Variants in PRKDC observed in about 807,000 individuals in gnomAD.
The protein encoded by PRKDC is protein kinase, DNA-activated, catalytic subunit.
A neutral mutation model predicts 486.9 loss-of-function variants in PRKDC; 82 were observed. That is an observed-to-expected ratio of 0.17 (90% CI 0.14 to 0.20). PRKDC has a LOEUF of 0.20. Ranked by LOEUF, PRKDC falls within the 10% of genes least tolerant of loss-of-function variation. The probability of loss-of-function intolerance (pLI) is 1.00; values close to 1 mark genes in which losing one functional copy is unlikely to be tolerated. For missense variants in PRKDC, 4,504 were observed against 5,038.2 expected (o/e 0.89, Z 3.21); for synonymous variants, 1,895 against 1,837.0 (o/e 1.03, Z -0.81).
chr8:47,791,344 G>C (rs571351627), intron 74 of PRKDC, among the ~76,000 whole-genome samples: 5 of 152,010 alleles, frequency 3.3e-5, no homozygotes, highest in Non-Finnish European at 7.4e-5. Flanking sequence ...GCATGGTGGC[G>C]CCTGCCTGTA....
At chr8:47,805,884 A>C (rs987471309) in intron 69 of PRKDC, among the ~76,000 whole-genome samples, 1 of 149,970 alleles carries the variant, frequency 6.7e-6, no homozygotes, top group African/African-American at 2.5e-5. Flanking sequence ...CTCCCACCCC[A>C]CTCCCCTAGT....
chr8:47,951,433 C>T (rs1290550598), intron 7 of PRKDC, among the ~76,000 whole-genome samples: 1 of 151,518 alleles, frequency 6.6e-6, no homozygotes, highest in Non-Finnish European at 1.5e-5. Context: ...TGTTAAGAAA[C>T]TGGTATCTGG....
intron 57 of PRKDC, 93 bp downstream of exon 57, chr8:47,837,119 G>T: frequency 7.6e-7 from 1 of 1,308,332 alleles, no homozygotes. Flanking sequence ...TGTGTATTCT[G>T]AGAAGGCAAA....
Position 47,921,432 on chromosome 8 carries a change from C to T in PRKDC, c.2420-3049G>A, listed in dbSNP as rs1430433162. Among the ~76,000 whole-genome samples the T allele has an allele frequency of 2.6e-5, 4 of 152,106 alleles. No homozygotes were observed. The South Asian group carries it at 8.3e-4, about 31-fold the overall frequency. On this transcript the variant is annotated intron_variant, in intron 21 of 85. Transcript: ENST00000314191. ...CTTGGACTGACTGAGTTAATGGATA[C>T]TTTGGATGGTTGGGTACTTTGATAA...
intron 11 of PRKDC, 76 bp downstream of exon 11, chr8:47,939,475 C>T (rs1483513958): frequency 6.7e-7 from 1 of 1,502,604 alleles, no homozygotes; most frequent in African/African-American, 1.4e-5. Context: ...AGACACTATT[C>T]AAAATGCAAT....
intron 29 of PRKDC, 72 bp downstream of exon 29, chr8:47,898,398 G>T: frequency 8.2e-7 from 1 of 1,220,714 alleles, no homozygotes; most frequent in Non-Finnish European, 1.2e-6. Flanking sequence ...ATCCATCCCA[G>T]GTTGTCCTTC....
chr8:47,874,291 T>C (rs538002780), intron 40 of PRKDC, among the ~76,000 whole-genome samples: 16 of 152,258 alleles, frequency 1.1e-4, no homozygotes, highest in African/African-American at 3.4e-4. Flanking sequence ...AACTGGATTA[T>C]TTCTCATGCA....
Position 47,782,042 on chromosome 8 carries a change from C to T in PRKDC, c.11489+120G>A. On this transcript the variant is annotated intron_variant, in intron 80 of 85. Coordinates refer to ENST00000314191, the MANE Select transcript of PRKDC (RefSeq NM_006904.7). The surrounding 1 kb of genome is among the most constrained non-coding windows in gnomAD (Gnocchi z 4.9). ...CACTCCATTTGGTTTATTGACCCAG[C>T]CAGCAGACTGCGGGGCAGGCAGTGT... is the stretch of plus-strand genomic sequence containing the variant. 1.3e-6 allele frequency: 1 copy of T among 791,788 alleles called. No individual in the cohort carries two copies. The highest frequency in any genetic ancestry group is 1.7e-5 in the South Asian group (1 of 58,820). 49.0% of individuals were successfully genotyped at this position (791,788 alleles called of 1,614,324 possible). A position where few individuals can be genotyped will look rare whatever the true frequency, so the allele number is the denominator to read the frequency against.
Position 47,927,252 on chromosome 8 carries a change from A to G in PRKDC, c.2361T>C (p.Pro787=), listed in dbSNP as rs187129988. ...GGCAGGGGAGAATGTCTTTGTAATA[A>G]GGCTGCATTACATGTCTGTCAATAT... ...SIYIDRHVMQ[P]YYKDILPCLD... Residue 787 remains proline (P), a synonymous_variant, in exon 21 of 86, where the codon CCT becomes CCC. Transcript: ENST00000314191. 5 of 1,613,774 alleles carry G rather than the reference A, an allele frequency of 3.1e-6. No homozygotes were observed. The highest frequency in any genetic ancestry group is 3.4e-6 in the Non-Finnish European group (4 of 1,179,702).
At chr8:47,819,308 A>C in intron 67 of PRKDC, 94 bp downstream of exon 67, 1 of 770,684 alleles carries the variant, frequency 1.3e-6, no homozygotes, top group South Asian at 1.8e-5. Flanking sequence ...CCATACATTA[A>C]GAAACATGCA....
At chr8:47,930,140 T>C (rs2090226131) in intron 17 of PRKDC, 128 bp from the exon 18 acceptor site, 1 of 748,232 alleles carries the variant, frequency 1.3e-6, no homozygotes, top group East Asian at 2.7e-5. Flanking sequence ...CTAAAATGTT[T>C]AGTTATATCT....
chr8:47,911,035 A>G (rs1431737009), intron 25 of PRKDC, among the ~76,000 whole-genome samples: 1 of 152,184 alleles, frequency 6.6e-6, no homozygotes, highest in Non-Finnish European at 1.5e-5. Flanking sequence ...CCAGATTTTG[A>G]AAACAATTAT....
chr8:47,831,374 T>C (rs2087869026), intron 60 of PRKDC, among the ~76,000 whole-genome samples: 1 of 152,218 alleles, frequency 6.6e-6, no homozygotes, highest in South Asian at 2.1e-4. Flanking sequence ...AAATGCATCC[T>C]AATGACCCAT....
rs1284416740 is a variant in PRKDC, at chr8:47,927,177, ATTC to A, written c.2419+14_2419+16del. The A allele has an allele frequency of 1.9e-6, 3 of 1,609,402 alleles. No individual in the cohort carries two copies. Among genetic ancestry groups the A allele is most frequent in the African/African-American group, 1.3e-5 (1 of 74,952 alleles). ...CATTTTAATTACAATACACATCACA[ATTC>A]TTCTAAACATTACCTGACAAGGCTG... is the stretch of plus-strand genomic sequence containing the variant. On this transcript the variant is annotated intron_variant, in intron 21 of 85. Coordinates refer to ENST00000314191, the MANE Select transcript of PRKDC (RefSeq NM_006904.7).
At chr8:47,919,723 G>GTT (rs200600818) in intron 21 of PRKDC, among the ~76,000 whole-genome samples, 13 of 127,042 alleles carry the variant, frequency 1.0e-4, no homozygotes, top group East Asian at 4.5e-4. Flanking sequence ...GTTTTTAGTG[G>GTT]TTTTTTTTTT....
At chr8:47,900,535 G>T in intron 27 of PRKDC, 68 bp from the exon 28 acceptor site, 2 of 1,394,992 alleles carry the variant, frequency 1.4e-6, no homozygotes, top group African/African-American at 1.4e-5. Context: ...AGAAAAGAAG[G>T]AATGGAATTA....
intron 69 of PRKDC, among the ~76,000 whole-genome samples, chr8:47,804,177 T>C (rs1394613969): frequency 2.0e-5 from 3 of 152,200 alleles, no homozygotes; most frequent in African/African-American, 7.2e-5. Flanking sequence ...TAAGTGGTGA[T>C]TTTGTGTCTC....
intron 52 of PRKDC, among the ~76,000 whole-genome samples, chr8:47,851,715 G>T (rs1028975837): frequency 2.6e-5 from 4 of 152,222 alleles, no homozygotes; most frequent in African/African-American, 9.6e-5. Flanking sequence ...GGGGAGCAGT[G>T]AGTGAGGCCA....
At chr8:47,850,315 C>T (rs2088373472) in intron 52 of PRKDC, among the ~76,000 whole-genome samples, 1 of 152,198 alleles carries the variant, frequency 6.6e-6, no homozygotes, top group Non-Finnish European at 1.5e-5. Context: ...AGACTGAGCG[C>T]CTCAAATCTG....
Sources: gnomAD v4.1 joint callset for allele counts (sites outside exome capture counted in the v4.1 genomes callset) on GRCh38, gnomAD v4.1.1 for gene constraint, Gnocchi (gnomAD v3.1) non-coding constraint, MANE v1.5 for transcripts, NCBI Gene and HGNC (gene_info 2026-07-23, HGNC 2026-07-21) for gene names.